The following WWOX variants were observed in gnomAD, a reference collection of about 807,000 sequenced individuals.
The protein encoded by WWOX is WW domain-containing oxidoreductase.
In WWOX, 69 loss-of-function variants were observed where a neutral mutation model predicts 46.2. The observed-to-expected ratio is 1.49, with a 90% confidence interval of 1.23 to 1.82. The LOEUF (loss-of-function observed/expected upper bound fraction) is 1.82, where lower values mean the gene tolerates loss of function less well. Ranked by LOEUF, WWOX falls within the 40% of genes most tolerant of loss-of-function variation. The pLI, the probability that WWOX is intolerant of heterozygous loss-of-function variation, is 0.00. For synonymous variants in WWOX, 359 were observed against 202.6 expected (o/e 1.77, Z -6.56); for missense variants, 919 against 542.6 (o/e 1.69, Z -6.89).
chr16:78,124,313 C>A (rs962749641), intron 4 of WWOX: 1 of 151,302 alleles, frequency 6.6e-6, no homozygotes, highest in African/African-American at 2.5e-5. Context: ...CGTTGTTTAT[C>A]TAATAAATTG....
At chr16:79,126,253 A>C (rs2049751874) in intron 8 of WWOX, among the ~76,000 whole-genome samples, 1 of 151,716 alleles carries the variant, frequency 6.6e-6, no homozygotes, top group African/African-American at 2.4e-5. Context: ...CTGGAAACAG[A>C]GGTAAGAAGG....
At chr16:78,795,555 C>T (rs578257560) in intron 8 of WWOX, among the ~76,000 whole-genome samples, 1 of 152,320 alleles carries the variant, frequency 6.6e-6, no homozygotes, top group Admixed American at 6.5e-5. Flanking sequence ...AAAAAGGATT[C>T]AGGGTATAAT....
chr16:78,896,968 T>G (rs551812424), intron 8 of WWOX: 1 of 151,926 alleles, frequency 6.6e-6, no homozygotes, highest in South Asian at 2.1e-4. Flanking sequence ...TGGATCATGC[T>G]TGTAATCGCA....
At chr16:78,786,731 C>G (rs1435015955) in intron 8 of WWOX, among the ~76,000 whole-genome samples, 1 of 152,174 alleles carries the variant, frequency 6.6e-6, no homozygotes, top group African/African-American at 2.4e-5. Flanking sequence ...ATCACTGTTT[C>G]CTTTAAAGAG....
At chr16:78,189,515 C>G (rs2035814912) in intron 5 of WWOX, among the ~76,000 whole-genome samples, 1 of 152,164 alleles carries the variant, frequency 6.6e-6, no homozygotes, top group African/African-American at 2.4e-5. Context: ...TTAAGTGAAA[C>G]CACACAGAGG....
At chr16:79,137,415 T>G (rs182503693) in intron 8 of WWOX, among the ~76,000 whole-genome samples, 1 of 152,186 alleles carries the variant, frequency 6.6e-6, no homozygotes, top group Non-Finnish European at 1.5e-5. Flanking sequence ...AACTTGGAGA[T>G]GTAAGCATTT....
At chr16:78,412,853 C>T (rs370876490) in intron 6 of WWOX, among the ~76,000 whole-genome samples, 10 of 152,244 alleles carry the variant, frequency 6.6e-5, no homozygotes, top group Middle Eastern at 6.8e-3. Flanking sequence ...AACTATAGAC[C>T]ATAAATGGGA....
chr16:78,597,113 C>G (rs1323463048), intron 8 of WWOX, among the ~76,000 whole-genome samples: 2 of 152,198 alleles, frequency 1.3e-5, no homozygotes, highest in African/African-American at 4.8e-5. Context: ...TTTGTGAAAA[C>G]TGCTCCTGAC....
chr16:78,827,145 T>G (rs957304121), intron 8 of WWOX, among the ~76,000 whole-genome samples: 2 of 152,098 alleles, frequency 1.3e-5, no homozygotes, highest in African/African-American at 4.8e-5. Context: ...CTAAATCAAA[T>G]TTAGCTGTTC....
chr16:78,335,323 T>C (rs147503411), intron 5 of WWOX, among the ~76,000 whole-genome samples: 7 of 152,232 alleles, frequency 4.6e-5, no homozygotes, highest in Non-Finnish European at 1.0e-4. Flanking sequence ...GCCTCCACCG[T>C]GTGTCCATGT....
intron 8 of WWOX, among the ~76,000 whole-genome samples, chr16:78,814,842 A>G (rs2051288970): frequency 1.3e-5 from 2 of 152,172 alleles, no homozygotes; most frequent in South Asian, 4.1e-4. Flanking sequence ...TGCCCTTGCA[A>G]AACCACCCTT....
chr16:78,593,398 C>T (rs1364932225), intron 8 of WWOX, among the ~76,000 whole-genome samples: 1 of 152,158 alleles, frequency 6.6e-6, no homozygotes, highest in Non-Finnish European at 1.5e-5. Context: ...CATTTTCCCC[C>T]ATCACCCTTG....
intron 4 of WWOX, among the ~76,000 whole-genome samples, chr16:78,142,129 GA>G (rs1366514993): frequency 6.6e-6 from 1 of 151,524 alleles, no homozygotes; most frequent in Non-Finnish European, 1.5e-5. Context: ...ATTAGTTTAA[GA>G]AAACTAGAAA....
At chr16:79,152,550 A>T (rs1463535787) in intron 8 of WWOX, among the ~76,000 whole-genome samples, 6 of 151,998 alleles carry the variant, frequency 3.9e-5, no homozygotes, top group Non-Finnish European at 2.9e-5. Context: ...GTGTTCCTGT[A>T]GTCTCAGCTA....
intron 5 of WWOX, among the ~76,000 whole-genome samples, chr16:78,342,196 C>G (rs1856214799): frequency 8.2e-6 from 1 of 121,300 alleles, no homozygotes; most frequent in African/African-American, 2.8e-5. Flanking sequence ...TTGGAGGGGA[C>G]CTTTCTGGGG....
intron 5 of WWOX, among the ~76,000 whole-genome samples, chr16:78,207,906 G>A (rs968665618): frequency 1.3e-5 from 2 of 152,006 alleles, no homozygotes; most frequent in Admixed American, 6.6e-5. Context: ...TCAACCTCCT[G>A]GGCTCAAGCA....
At chr16:78,900,420 T>C (rs1240948537) in intron 8 of WWOX, among the ~76,000 whole-genome samples, 1 of 152,224 alleles carries the variant, frequency 6.6e-6, no homozygotes, top group Non-Finnish European at 1.5e-5. Context: ...TTGTTTTTTA[T>C]TTTTCCTTAA....
intron 8 of WWOX, among the ~76,000 whole-genome samples, chr16:79,191,528 C>A (rs2051136809): frequency 6.6e-6 from 1 of 152,200 alleles, no homozygotes; most frequent in African/African-American, 2.4e-5. Flanking sequence ...TTTATAAAAG[C>A]CAAGTTTTTG....
intron 5 of WWOX, among the ~76,000 whole-genome samples, chr16:78,211,765 A>G (rs2036567708): frequency 6.6e-6 from 1 of 152,178 alleles, no homozygotes; most frequent in African/African-American, 2.4e-5. Flanking sequence ...CACAGCTAGG[A>G]TTGGAGAAGA....
Sources: allele counts gnomAD v4.1 joint callset (sites outside exome capture counted in the v4.1 genomes callset), GRCh38; gene constraint gnomAD v4.1.1; transcripts MANE v1.5; gene names NCBI Gene and HGNC (gene_info 2026-07-23, HGNC 2026-07-21).